NUP50: variants seen among roughly 807,000 people sequenced by gnomAD.
NUP50 encodes nuclear pore complex protein Nup50.
In NUP50, 14 loss-of-function variants were observed where a neutral mutation model predicts 36.8. The observed-to-expected ratio is 0.38, with a 90% CI of 0.25 to 0.59. The LOEUF is 0.59. Among genes scored for constraint, NUP50 ranks in the 20% least tolerant of loss-of-function variants. The pLI is 0.63. For synonymous variants in NUP50, 195 were observed against 210.8 expected (o/e 0.93, Z 0.65); for missense variants, 455 against 564.6 (o/e 0.81, Z 1.97).
chr22:45,171,956 G>A (rs1038927726), intron 3 of NUP50: 6 of 346,080 alleles, frequency 1.7e-5, no homozygotes, highest in African/African-American at 6.2e-5. Context: ...AGAGGTGGGC[G>A]AAGTGGCATC....
Position 45,184,657 on chromosome 22 carries a change from C to T in NUP50, c.*2C>T. 1 of 1,610,130 alleles carries T rather than the reference C, an allele frequency of 6.2e-7. No homozygotes were observed. The highest frequency in any genetic ancestry group is 8.5e-7 in the Non-Finnish European group (1 of 1,178,108). On this transcript the variant is annotated 3_prime_UTR_variant, in exon 8 of 8. Coordinates refer to ENST00000347635, the MANE Select transcript of NUP50 (RefSeq NM_007172.4). ...TTACTGGAGAAAAAGGATGCCTGAA[C>T]ACGCAAAGTCGGCTGCAGAATTATT...
intron 2 of NUP50, among the ~76,000 whole-genome samples, chr22:45,170,492 T>G (rs2074173439): frequency 6.6e-6 from 1 of 152,194 alleles, no homozygotes; most frequent in South Asian, 2.1e-4. Flanking sequence ...AAACTGCAAC[T>G]GTTTCCAAGC....
At chr22:45,165,825 T>A (rs541714684) in intron 1 of NUP50, 7 of 152,124 alleles carry the variant, frequency 4.6e-5, no homozygotes, top group African/African-American at 1.7e-4. Flanking sequence ...TAAGCCAGTC[T>A]TTGTTTATCT....
At chr22:45,170,963 G>C in intron 2 of NUP50, 1 of 1,302,796 alleles carries the variant, frequency 7.7e-7, no homozygotes, top group Non-Finnish European at 1.0e-6. Flanking sequence ...TTTTGCATGA[G>C]AAATATTTTA....
At chr22:45,181,912 T>C (rs911392942) in intron 6 of NUP50, among the ~76,000 whole-genome samples, 1 of 152,226 alleles carries the variant, frequency 6.6e-6, no homozygotes, top group Non-Finnish European at 1.5e-5. Flanking sequence ...AGATATTTGC[T>C]GAAAAAACAT....
At chr22:45,180,474 A>C (rs1053620081) in intron 5 of NUP50, among the ~76,000 whole-genome samples, 3 of 152,148 alleles carry the variant, frequency 2.0e-5, no homozygotes, top group African/African-American at 7.2e-5. Flanking sequence ...CCTGGGGTGA[A>C]GCAATCCTCC....
intron 3 of NUP50, 113 bp from the exon 4 acceptor site, chr22:45,175,781 C>A: frequency 1.1e-6 from 1 of 892,450 alleles, no homozygotes; most frequent in Non-Finnish European, 1.7e-6. Context: ...CCTTATAACG[C>A]TGACTGCATG....
intron 2 of NUP50, among the ~76,000 whole-genome samples, 154 bp from the exon 3 acceptor site, chr22:45,171,446 C>T (rs1483110351): frequency 2.6e-5 from 4 of 152,188 alleles, no homozygotes; most frequent in Non-Finnish European, 4.4e-5. Flanking sequence ...CCTCCCAAAG[C>T]GCTAGTATTA....
rs758970380 is a variant in NUP50, at chr22:45,171,629, A to G, written c.99A>G (p.Glu33=). 2.5e-6 allele frequency: 4 copies of G among 1,614,172 alleles called. No individual in the cohort carries two copies. Among genetic ancestry groups the G allele is most frequent in the South Asian group, 2.2e-5 (2 of 91,080 alleles). ...GAACATTCTCCATGGCCAGTGAGGA[A>G]GTCTTGAAGAATAGAGCCATAAAGA... The part of the protein sequence containing the change: ...EVGTFSMASE[E]VLKNRAIKKA... The change falls in exon 3 of 8, where the codon GAA becomes GAG. Residue 33 remains glutamate, a synonymous_variant. Transcript: ENST00000347635.
At chr22:45,174,795 T>C (rs79347959) in intron 3 of NUP50, among the ~76,000 whole-genome samples, 2,046 of 152,308 alleles carry the variant, frequency 0.013, 51 homozygotes, top group African/African-American at 0.046. Flanking sequence ...TTAAAACTCA[T>C]ACAAGTTACA....
At chr22:45,180,776 TCAGA>T (rs1275062115) in intron 5 of NUP50, among the ~76,000 whole-genome samples, 1 of 152,110 alleles carries the variant, frequency 6.6e-6, no homozygotes, top group Non-Finnish European at 1.5e-5. Context: ...ATGTGGCAAT[TCAGA>T]CAAAGCTTAA....
chr22:45,183,601 A>C lies in NUP50; in HGVS notation c.1204+81A>C, dbSNP rs142735960. 322 of 924,938 alleles carry C rather than the reference A, an allele frequency of 3.5e-4. 1 individual carries two copies. In the African/African-American group the frequency reaches 4.9e-3, roughly 14 times the overall value. The allele number at this position is 924,938 out of a possible 1,614,324, so 57.3% of individuals were successfully genotyped here. A position where few individuals can be genotyped will look rare whatever the true frequency, so the allele number is the denominator to read the frequency against. ...TTTACCCTGCTGACTCAAGGTTATT[A>C]ATATGTTTTTAAACAGAGCGCATTC... On this transcript the variant is annotated intron_variant, in intron 7 of 7. Coordinates refer to ENST00000347635, the MANE Select transcript of NUP50 (RefSeq NM_007172.4).
chr22:45,168,994 C>T (rs891290822), intron 2 of NUP50, among the ~76,000 whole-genome samples: 20 of 151,088 alleles, frequency 1.3e-4, no homozygotes, highest in African/African-American at 4.6e-4. Context: ...TTTTATCTCC[C>T]GGGTTCAAGT....
At position 45,187,452 on chromosome 22, in the gene NUP50, G is replaced by GT. The variant is rs1460280492; in HGVS notation, c.*2798dup. ...AAAAAAGAGAAAACTGCCTTTTCTG[G>GT]TGTGGAGGGGAAGAAAAACTAATAT... On this transcript the variant is annotated 3_prime_UTR_variant, in exon 8 of 8. Transcript: ENST00000347635. The GT allele has an allele frequency of 6.6e-6, 1 of 151,096 alleles. No homozygotes were observed. Among genetic ancestry groups the GT allele is most frequent in the Admixed American group, 6.6e-5 (1 of 15,132 alleles). The allele number at this position is 151,096 out of a possible 1,614,324, so 9.4% of individuals were successfully genotyped here.
chr22:45,175,647 A>AC (rs1392769594), intron 3 of NUP50, among the ~76,000 whole-genome samples: 1 of 152,172 alleles, frequency 6.6e-6, no homozygotes, highest in African/African-American at 2.4e-5. Context: ...CTAAAAATAC[A>AC]CATAATATAT....
chr22:45,167,826 T>C (rs8136562), intron 1 of NUP50, among the ~76,000 whole-genome samples: 69,378 of 152,114 alleles, frequency 0.46, 16,338 homozygotes, highest in Middle Eastern at 0.52. Context: ...TAAGGACTTT[T>C]TGATTATATA....
chr22:45,175,532 G>A (rs1222203988), intron 3 of NUP50, among the ~76,000 whole-genome samples: 1 of 152,176 alleles, frequency 6.6e-6, no homozygotes, highest in Non-Finnish European at 1.5e-5. Flanking sequence ...AGTACATGAA[G>A]TATCTTTCAT....
rs2074424273 is a variant in NUP50, at chr22:45,183,890, T to G, written c.1204+370T>G. On this transcript the variant is annotated intron_variant, in intron 7 of 7. Transcript: ENST00000347635. ...CAGTTTTAACCTGAAAAGAGTCCAC[T>G]GCAAGGATCCTAGTGCCCGGAGGAG... is the stretch of plus-strand genomic sequence containing the variant. 6 of 229,336 alleles carry G rather than the reference T, an allele frequency of 2.6e-5. No individual in the cohort carries two copies. The South Asian group carries it at 3.6e-4, about 14-fold the overall frequency. 14.2% of individuals were successfully genotyped at this position (229,336 alleles called of 1,614,324 possible).
intron 1 of NUP50, among the ~76,000 whole-genome samples, chr22:45,166,736 C>T (rs1470346647): frequency 9.4e-6 from 1 of 106,008 alleles, no homozygotes; most frequent in Admixed American, 9.1e-5. Flanking sequence ...TATGTCTATT[C>T]CTGTATTTGT....
Sources: allele counts gnomAD v4.1 joint callset (sites outside exome capture counted in the v4.1 genomes callset), GRCh38; gene constraint gnomAD v4.1.1; transcripts MANE v1.5; gene names NCBI Gene and HGNC (gene_info 2026-07-23, HGNC 2026-07-21).